The following MYO1B variants were observed in gnomAD, a reference collection of about 807,000 sequenced individuals.
MYO1B encodes myosin IB.
MYO1B carries 72 observed loss-of-function variants against 159.7 expected under a neutral mutation model. The observed-to-expected ratio is 0.45, with a 90% CI of 0.37 to 0.55. MYO1B has a LOEUF of 0.55. Among genes scored for constraint, MYO1B ranks in the 20% least tolerant of loss-of-function variants. The pLI, the probability that MYO1B is intolerant of heterozygous loss-of-function variation, is 0.00. For synonymous variants in MYO1B, 468 were observed against 473.8 expected (o/e 0.99, Z 0.16); for missense variants, 1,062 against 1,364.8 (o/e 0.78, Z 3.50).
At chr2:191,277,632 T>C (rs541863487) in intron 2 of MYO1B, among the ~76,000 whole-genome samples, 2 of 152,302 alleles carry the variant, frequency 1.3e-5, no homozygotes, top group South Asian at 4.1e-4. Context: ...TTTCACAGGG[T>C]CAAGTTCTCT....
At position 191,392,080 on chromosome 2, in the gene MYO1B, C is replaced by T. The variant is rs774690946; in HGVS notation, c.1983-28C>T. On this transcript the variant is annotated intron_variant, in intron 18 of 30. Coordinates refer to ENST00000392318, the MANE Select transcript of MYO1B (RefSeq NM_001130158.3). ...AAAACTATTTTTGTAACTCAGAAAA[C>T]TCACTGTTTTTATTTTTATTTTTTT... The T allele has an allele frequency of 1.9e-6, 3 of 1,540,670 alleles. No homozygotes were observed. The Admixed American group carries it at 5.1e-5, about 26-fold the overall frequency.
intron 15 of MYO1B, among the ~76,000 whole-genome samples, chr2:191,383,547 C>CACAT (rs1553559199): frequency 8.9e-4 from 13 of 14,548 alleles, no homozygotes; most frequent in East Asian, 6.6e-3. Flanking sequence ...CACACACACA[C>CACAT]ATATATATAT....
rs1468182174 is a variant in MYO1B, at chr2:191,425,219, A to G, written c.*1259A>G. 6.6e-6 allele frequency: 1 copy of G among 152,118 alleles called. No individual in the cohort carries two copies. The highest frequency in any genetic ancestry group is 6.5e-5 in the Admixed American group (1 of 15,272). 9.4% of individuals were successfully genotyped at this position (152,118 alleles called of 1,614,324 possible). On this transcript the variant is annotated 3_prime_UTR_variant, in exon 31 of 31. Transcript: ENST00000392318. ...AAGCTATTTTCATATGTTGTGTGTC[A>G]ATGTATCATCTCTCAGAAAGGTTTT...
intron 2 of MYO1B, among the ~76,000 whole-genome samples, chr2:191,277,572 T>C (rs1687827848): frequency 6.6e-6 from 1 of 152,258 alleles, no homozygotes; most frequent in African/African-American, 2.4e-5. Flanking sequence ...TAAATATGTA[T>C]ATGCTATAAT....
At position 191,322,808 on chromosome 2, in the gene MYO1B, G is replaced by C. The variant is rs375791205; in HGVS notation, c.252-7127G>C. ...GGGTCCCAATCCAGACCCCAAGAGA[G>C]AGGGTTCTTGGATCTTGTGCAAGAA... On this transcript the variant is annotated intron_variant, in intron 3 of 30. Transcript: ENST00000392318. Among the ~76,000 whole-genome samples, 18 of 152,292 alleles carry C rather than the reference G, an allele frequency of 1.2e-4. 1 individual carries two copies. In the East Asian group the frequency reaches 2.9e-3, roughly 24 times the overall value.
chr2:191,245,694 G>C (rs1348510012), intron 1 of MYO1B, 68 bp downstream of exon 1: 3 of 152,202 alleles, frequency 2.0e-5, no homozygotes, highest in African/African-American at 4.8e-5. Context: ...CCCCCGAGGC[G>C]CCTGCTCCGC....
rs73981573 is a variant in MYO1B at position 191,344,905 on chromosome 2, G to A, written c.452-1331G>A. 8.8e-3 allele frequency among the ~76,000 whole-genome samples: 1,337 copies of A among 151,846 alleles called. 21 individuals are homozygous for A. Among genetic ancestry groups the A allele is most frequent in the African/African-American group, 0.031 (1,274 of 41,346 alleles). On this transcript the variant is annotated intron_variant, in intron 5 of 30. Coordinates refer to ENST00000392318, the MANE Select transcript of MYO1B (RefSeq NM_001130158.3). ...CACAAAATATAATGCATCAAGTGTGGCTGCTGAATTACCGGAGTTAACATA... is the reference window on the plus strand; with the variant it reads ...CACAAAATATAATGCATCAAGTGTGACTGCTGAATTACCGGAGTTAACATA...
chr2:191,315,194 C>T (rs927423339), intron 3 of MYO1B, among the ~76,000 whole-genome samples: 10 of 149,608 alleles, frequency 6.7e-5, no homozygotes, highest in African/African-American at 1.7e-4. Context: ...CATCCATCCA[C>T]CCATCCATCT....
Position 191,321,906 on chromosome 2 carries a change from G to A in MYO1B, c.252-8029G>A, listed in dbSNP as rs541150560. Among the ~76,000 whole-genome samples the A allele has an allele frequency of 1.4e-4, 22 of 152,108 alleles. No homozygotes were observed. The South Asian group carries it at 2.9e-3, about 20-fold the overall frequency. On this transcript the variant is annotated intron_variant, in intron 3 of 30. Transcript: ENST00000392318. ...TCAGAGCCCTCACAGTGAGTACAAC[G>A]CCTCTTACCTCATGAGTATCCATGA... is the stretch of plus-strand genomic sequence containing the variant.
chr2:191,389,918 T>C (rs1695641070), intron 17 of MYO1B, among the ~76,000 whole-genome samples: 1 of 152,140 alleles, frequency 6.6e-6, no homozygotes. Context: ...CACTACTACC[T>C]CTCCCCAGAG....
intron 3 of MYO1B, among the ~76,000 whole-genome samples, chr2:191,306,379 T>G (rs977132481): frequency 6.6e-6 from 1 of 151,986 alleles, no homozygotes; most frequent in African/African-American, 2.4e-5. Flanking sequence ...TTTCCTAAGG[T>G]TGGAACCTAG....
chr2:191,275,479 A>T (rs1687697463), intron 1 of MYO1B, among the ~76,000 whole-genome samples: 1 of 152,184 alleles, frequency 6.6e-6, no homozygotes, highest in Non-Finnish European at 1.5e-5. Context: ...AGCCCTTCCT[A>T]GTTCTCTTTA....
chr2:191,305,224 G>T (rs149060430), intron 3 of MYO1B, among the ~76,000 whole-genome samples: 8 of 152,338 alleles, frequency 5.3e-5, no homozygotes, highest in African/African-American at 1.9e-4. Context: ...ACAATCTGTT[G>T]CTGGGACTGG....
At chr2:191,419,490 T>A (rs1697800915) in intron 30 of MYO1B, among the ~76,000 whole-genome samples, 1 of 152,170 alleles carries the variant, frequency 6.6e-6, no homozygotes, top group African/African-American at 2.4e-5. Context: ...AGTGCTGGGA[T>A]TATAGGCGTG....
At chr2:191,361,250 T>G (rs546999982) in intron 8 of MYO1B, among the ~76,000 whole-genome samples, 2 of 152,362 alleles carry the variant, frequency 1.3e-5, no homozygotes, top group South Asian at 4.1e-4. Flanking sequence ...TGGAAGAATA[T>G]GATTTTTCTG....
chr2:191,320,128 G>A (rs369932590), intron 3 of MYO1B, among the ~76,000 whole-genome samples: 1 of 152,260 alleles, frequency 6.6e-6, no homozygotes, highest in South Asian at 2.1e-4. Context: ...TCTGGTCTTA[G>A]TATTCCTCTC....
chr2:191,280,864 A>T (rs978455346), intron 2 of MYO1B, among the ~76,000 whole-genome samples: 3 of 152,170 alleles, frequency 2.0e-5, no homozygotes, highest in African/African-American at 7.2e-5. Context: ...ATGTTAAAGG[A>T]TGTGTCCATG....
chr2:191,390,036 T>C (rs1695648056), intron 17 of MYO1B, among the ~76,000 whole-genome samples: 1 of 152,238 alleles, frequency 6.6e-6, no homozygotes, highest in African/African-American at 2.4e-5. Context: ...TTTCACTCAA[T>C]GAAATGTCAG....
chr2:191,306,645 A>T (rs146372657), intron 3 of MYO1B, among the ~76,000 whole-genome samples: 2 of 152,182 alleles, frequency 1.3e-5, no homozygotes, highest in African/African-American at 4.8e-5. Flanking sequence ...AGGCAAATCC[A>T]TAGGATGCAG....
Sources: allele counts gnomAD v4.1 joint callset (sites outside exome capture counted in the v4.1 genomes callset), GRCh38; gene constraint gnomAD v4.1.1; transcripts MANE v1.5; gene names NCBI Gene and HGNC (gene_info 2026-07-23, HGNC 2026-07-21).